CUBN: variants seen among roughly 807,000 people sequenced by gnomAD.
The protein encoded by CUBN is cubilin.
CUBN carries 282 observed loss-of-function variants against 405.3 expected under a neutral mutation model. The ratio of observed to expected loss-of-function variants is 0.70; its 90% CI spans 0.63 to 0.77. CUBN has a LOEUF of 0.77. Among genes scored for constraint, CUBN ranks in the 30% least tolerant of loss-of-function variants. The probability of loss-of-function intolerance (pLI) is 0.00; values close to 1 mark genes in which losing one functional copy is unlikely to be tolerated. For missense variants in CUBN, 4,514 were observed against 4,475.2 expected, an observed-to-expected ratio of 1.01 and a Z score of -0.25; for synonymous variants, 1,684 against 1,617.0, an observed-to-expected ratio of 1.04 and a Z score of -0.99.
chr10:17,048,745 T>C (rs965840568), intron 22 of CUBN, among the ~76,000 whole-genome samples: 1 of 152,188 alleles, frequency 6.6e-6, no homozygotes, highest in African/African-American at 2.4e-5. Context: ...TTGGATACAA[T>C]AAACTATTGT....
At chr10:16,845,177 A>C (rs1474551331) in intron 60 of CUBN, among the ~76,000 whole-genome samples, 1 of 152,234 alleles carries the variant, frequency 6.6e-6, no homozygotes, top group Non-Finnish European at 1.5e-5. Flanking sequence ...ACTGGGAAAG[A>C]AAATTTTTGG....
At chr10:17,030,827 G>A (rs924892702) in intron 27 of CUBN, among the ~76,000 whole-genome samples, 3 of 152,068 alleles carry the variant, frequency 2.0e-5, no homozygotes, top group Non-Finnish European at 4.4e-5. Flanking sequence ...GCTGAGGCAG[G>A]AGAATCATTG....
intron 47 of CUBN, among the ~76,000 whole-genome samples, chr10:16,914,547 A>C (rs2131454817): frequency 6.6e-6 from 1 of 152,030 alleles, no homozygotes; most frequent in East Asian, 1.9e-4. Context: ...CAACAGAGCG[A>C]GACACTGTCT....
At chr10:16,863,255 G>C (rs1007598022) in intron 59 of CUBN, among the ~76,000 whole-genome samples, 3 of 152,176 alleles carry the variant, frequency 2.0e-5, no homozygotes, top group African/African-American at 7.2e-5. Flanking sequence ...ACCAGTAAAA[G>C]GTACAGGGCT....
chr10:16,889,435 G>A (rs1840925866), intron 55 of CUBN, among the ~76,000 whole-genome samples: 2 of 152,190 alleles, frequency 1.3e-5, no homozygotes, highest in Non-Finnish European at 2.9e-5. Context: ...TCAGCCAACA[G>A]GCACACACCA....
chr10:16,971,880 T>G (rs1832947274), intron 31 of CUBN, among the ~76,000 whole-genome samples: 1 of 152,130 alleles, frequency 6.6e-6, no homozygotes. Context: ...CTTATGCCAC[T>G]CATTTCCGTA....
chr10:16,987,414 T>C (rs1418438577), intron 29 of CUBN, among the ~76,000 whole-genome samples: 3 of 152,230 alleles, frequency 2.0e-5, no homozygotes, highest in African/African-American at 7.2e-5. Context: ...TCAAAGCCTA[T>C]GGTTTTAATC....
At chr10:17,020,548 G>T (rs990110386) in intron 27 of CUBN, among the ~76,000 whole-genome samples, 1 of 151,816 alleles carries the variant, frequency 6.6e-6, no homozygotes, top group African/African-American at 2.4e-5. Context: ...ATATGAAAAA[G>T]GAAAATACAA....
At chr10:16,899,445 T>C (rs1347016737) in intron 53 of CUBN, among the ~76,000 whole-genome samples, 1 of 152,220 alleles carries the variant, frequency 6.6e-6, no homozygotes, top group Non-Finnish European at 1.5e-5. Flanking sequence ...ATAGAGAGGA[T>C]AGATTTCCAT....
intron 48 of CUBN, 82 bp downstream of exon 48, chr10:16,913,729 C>T: frequency 6.5e-7 from 1 of 1,537,056 alleles, no homozygotes; most frequent in Middle Eastern, 2.3e-4. Flanking sequence ...TTTTCCTGAC[C>T]TAGTTTTCTG....
rs777077398 is a variant in CUBN at position 16,933,119 on chromosome 10, G to A, written c.6092C>T (p.Thr2031Met). 1.1e-5 allele frequency: 18 copies of A among 1,613,896 alleles called. No homozygotes were observed. The highest frequency in any genetic ancestry group is 4.5e-5 in the East Asian group (2 of 44,886). ...ILSLDIESHR[T>M]CAYDSLVIRD... ...TATCACAAGGCTATCATAGGCACAC[G>A]TTCGGTGAGATTCAATGTCCAGGGA... Residue 2031 changes from threonine to methionine, a missense_variant, in exon 40 of 67, where the codon ACG becomes ATG. Transcript: ENST00000377833.
intron 28 of CUBN, among the ~76,000 whole-genome samples, chr10:16,991,646 TAAATA>T (rs1564466480): frequency 6.9e-6 from 1 of 145,352 alleles, no homozygotes. Flanking sequence ...TTTTTTTTTT[TAAATA>T]TTCTTTATTG....
chr10:16,950,755 A>C (rs1404030335), intron 33 of CUBN, among the ~76,000 whole-genome samples: 1 of 152,250 alleles, frequency 6.6e-6, no homozygotes, highest in African/African-American at 2.4e-5. Context: ...GGGTAGGTTC[A>C]TTCCAGGCAC....
At chr10:16,940,287 T>A (rs755452929) in intron 36 of CUBN, 50 bp from the exon 37 acceptor site, 4 of 1,506,654 alleles carry the variant, frequency 2.7e-6, no homozygotes, top group East Asian at 4.5e-5. Flanking sequence ...GAGAATAGAC[T>A]TTGGGATTCT....
chr10:16,915,817 T>C lies in CUBN; in HGVS notation c.7210+4A>G. On this transcript the variant is annotated splice_donor_region_variant and intron_variant, in intron 46 of 66. Transcript: ENST00000377833. The stretch of plus-strand genomic sequence containing the variant: ...CCAAAAGAGAGCAGATATATTTTAC[T>C]AACCAGAGGTATGATTGTCCCAGAT... 6.2e-7 allele frequency: 1 copy of C among 1,609,524 alleles called. No homozygotes were observed. Among genetic ancestry groups the C allele is most frequent in the Non-Finnish European group, 8.5e-7 (1 of 1,177,100 alleles).
At chr10:16,934,368 A>C (rs1025699415) in intron 39 of CUBN, among the ~76,000 whole-genome samples, 4 of 152,208 alleles carry the variant, frequency 2.6e-5, no homozygotes, top group Non-Finnish European at 4.4e-5. Context: ...CTTGTACACC[A>C]TAATATGTTT....
At chr10:16,981,187 A>G (rs1833261564) in intron 31 of CUBN, among the ~76,000 whole-genome samples, 1 of 151,756 alleles carries the variant, frequency 6.6e-6, no homozygotes, top group African/African-American at 2.4e-5. Context: ...AGACACACAC[A>G]CACACACACA....
At chr10:17,096,461 C>T (rs1836377116) in intron 14 of CUBN, among the ~76,000 whole-genome samples, 1 of 151,816 alleles carries the variant, frequency 6.6e-6, no homozygotes, top group Non-Finnish European at 1.5e-5. Flanking sequence ...AACATAAATG[C>T]TTGAAATATT....
At chr10:17,026,052 C>T (rs1381548786) in intron 27 of CUBN, among the ~76,000 whole-genome samples, 2 of 152,150 alleles carry the variant, frequency 1.3e-5, no homozygotes, top group African/African-American at 4.8e-5. Flanking sequence ...GCCTCCCTTC[C>T]CCTTTGGGTC....
Sources: allele counts gnomAD v4.1 joint callset (sites outside exome capture counted in the v4.1 genomes callset), GRCh38; gene constraint gnomAD v4.1.1; transcripts MANE v1.5; gene names NCBI Gene and HGNC (gene_info 2026-07-23, HGNC 2026-07-21).